The following MYPN variants were observed in gnomAD, a reference collection of about 807,000 sequenced individuals.
MYPN encodes myopalladin.
A neutral mutation model predicts 129.4 loss-of-function variants in MYPN; 63 were observed. The ratio of observed to expected loss-of-function variants is 0.49; its 90% CI spans 0.40 to 0.60. The LOEUF (loss-of-function observed/expected upper bound fraction) is 0.60. Among genes scored for constraint, MYPN ranks in the 20% least tolerant of loss-of-function variants. MYPN has a pLI of 0.00. For missense variants in MYPN, 1,596 were observed against 1,635.4 expected (o/e 0.98, Z 0.42); for synonymous variants, 629 against 600.9 (o/e 1.05, Z -0.68).
At position 68,161,700 on chromosome 10, in the gene MYPN, T is replaced by C. The variant is rs780530882; in HGVS notation, c.1460-29T>C. The C allele has an allele frequency of 8.8e-6, 14 of 1,599,072 alleles. No homozygotes were observed. In the East Asian group the frequency reaches 2.9e-4, roughly 33 times the overall value. ...TGTAGTTTCTCAGTAAAATAAATGC[T>C]CAGAATCTTTTACTTTCTTTTCTTT... On this transcript the variant is annotated intron_variant, in intron 7 of 19. Transcript: ENST00000358913.
At position 68,189,132 on chromosome 10, in the gene MYPN, G is replaced by C; in HGVS notation, c.2925+6G>C. 6.2e-7 allele frequency: 1 copy of C among 1,610,896 alleles called. No individual in the cohort carries two copies. The highest frequency in any genetic ancestry group is 8.5e-7 in the Non-Finnish European group (1 of 1,177,222). Reference sequence around the variant, plus strand: ...TTGGGATACCTGTTCCAAAGGTAGGGAAGATGACAAGCCAGTTGGCCACCT... The same window carrying C: ...TTGGGATACCTGTTCCAAAGGTAGGCAAGATGACAAGCCAGTTGGCCACCT... On this transcript the variant is annotated splice_donor_region_variant and intron_variant, in intron 13 of 19. Coordinates refer to ENST00000358913, the MANE Select transcript of MYPN (RefSeq NM_032578.4).
rs774042213 is a variant in MYPN, at chr10:68,174,381, C to T, written c.2289C>T (p.Leu763=). 6.2e-7 allele frequency: 1 copy of T among 1,614,200 alleles called. No homozygotes were observed. Among genetic ancestry groups the T allele is most frequent in the Admixed American group, 1.7e-5 (1 of 60,022 alleles). The change falls in exon 11 of 20, where the codon CTC becomes CTT. Residue 763 remains leucine, a synonymous_variant. Transcript: ENST00000358913. Reference sequence around the variant, plus strand: ...AGAGGACAGTGAGCAAAGAAAGCCTCTTAGTGTCTCACCCCTCTGTGCAAA... The same window carrying T: ...AGAGGACAGTGAGCAAAGAAAGCCTTTTAGTGTCTCACCCCTCTGTGCAAA... ...TIQRTVSKES[L]LVSHPSVQTK...
At chr10:68,178,177 T>C (rs1209104114) in intron 12 of MYPN, among the ~76,000 whole-genome samples, 1 of 152,264 alleles carries the variant, frequency 6.6e-6, no homozygotes, top group African/African-American at 2.4e-5. Context: ...TTAGAACCTT[T>C]TGAAATGAGA....
intron 4 of MYPN, among the ~76,000 whole-genome samples, chr10:68,146,345 A>T (rs549384128): frequency 6.6e-6 from 1 of 152,272 alleles, no homozygotes. Context: ...TGCAAAACCC[A>T]GTCTAAATGT....
At chr10:68,136,157 C>G in intron 2 of MYPN, 2 of 921,774 alleles carry the variant, frequency 2.2e-6, no homozygotes, top group Non-Finnish European at 2.6e-6. Flanking sequence ...AGCCAAAAGT[C>G]CAGTTACATC....
chr10:68,202,062 T>A (rs2043725394), intron 18 of MYPN, 68 bp downstream of exon 18: 3 of 1,556,812 alleles, frequency 1.9e-6, no homozygotes. Flanking sequence ...CCCAAATAAG[T>A]CTGCTGCTAT....
intron 2 of MYPN, among the ~76,000 whole-genome samples, chr10:68,137,353 G>A (rs1205210218): frequency 6.6e-6 from 1 of 152,132 alleles, no homozygotes; most frequent in Non-Finnish European, 1.5e-5. Flanking sequence ...AGAAACAGGA[G>A]GAGTATTTTA....
chr10:68,115,761 T>A (rs1018542577), intron 1 of MYPN, among the ~76,000 whole-genome samples: 1 of 152,240 alleles, frequency 6.6e-6, no homozygotes, highest in African/African-American at 2.4e-5. Context: ...CCTTAAATGA[T>A]CTGGCCTTGA....
At chr10:68,136,469 CT>C (rs1264393351) in intron 2 of MYPN, 16 of 1,122,390 alleles carry the variant, frequency 1.4e-5, no homozygotes, top group South Asian at 7.1e-5. Flanking sequence ...ATGGTTCCCC[CT>C]GACCCTCAAA....
At chr10:68,171,224 C>T (rs1037780484) in intron 10 of MYPN, among the ~76,000 whole-genome samples, 3 of 151,854 alleles carry the variant, frequency 2.0e-5, no homozygotes, top group Admixed American at 2.0e-4. Flanking sequence ...CTACCACCCA[C>T]CCGCTATACC....
At chr10:68,117,233 A>T (rs934783974) in intron 1 of MYPN, among the ~76,000 whole-genome samples, 14 of 152,236 alleles carry the variant, frequency 9.2e-5, no homozygotes, top group Middle Eastern at 3.4e-3. Context: ...TTAAAAAAAA[A>T]AAAAAAGTGA....
At chr10:68,164,791 G>A (rs970450989) in intron 8 of MYPN, among the ~76,000 whole-genome samples, 2 of 152,148 alleles carry the variant, frequency 1.3e-5, no homozygotes, top group African/African-American at 4.8e-5. Flanking sequence ...GTGTATCAGA[G>A]TAATCCATAA....
chr10:68,140,045 G>C (rs148344531), intron 2 of MYPN, among the ~76,000 whole-genome samples: 140 of 152,316 alleles, frequency 9.2e-4, no homozygotes, highest in African/African-American at 3.2e-3. Context: ...AAGAGGGTCA[G>C]GGAGGGCCTC....
In MYPN at chr10:68,194,498, G is replaced by T. The variant is rs765985278; in HGVS notation, c.3061G>T (p.Ala1021Ser). The T allele has an allele frequency of 1.9e-6, 3 of 1,613,626 alleles. No homozygotes were observed. In the South Asian group the frequency reaches 3.3e-5, roughly 18 times the overall value. Residue 1021 changes from alanine (A) to serine (S), a missense_variant, in exon 14 of 20, where the codon GCA becomes TCA. Ala to Ser is a moderately conservative substitution (Grantham distance 99). Transcript: ENST00000358913. ...SDDDGNYTIM[A>S]ANPQGRISCS... ...TGACGATGGCAACTACACCATCATG[G>T]CAGCCAACCCCCAGGTGGAGACGCA... is the stretch of plus-strand genomic sequence containing the variant.
At position 68,164,774 on chromosome 10, in the gene MYPN, G is replaced by A. The variant is rs138690527; in HGVS notation, c.1484-928G>A. ...CTGTAGTTATTCACAGAGAATCATC[G>A]TTCACAGTGTATCAGAGTAATCCAT... is the stretch of plus-strand genomic sequence containing the variant. On this transcript the variant is annotated intron_variant, in intron 8 of 19. Transcript: ENST00000358913. 5.3e-3 allele frequency among the ~76,000 whole-genome samples: 808 copies of A among 152,228 alleles called. 8 individuals carry two copies. The highest frequency in any genetic ancestry group is 0.018 in the African/African-American group (754 of 41,530).
intron 4 of MYPN, among the ~76,000 whole-genome samples, chr10:68,146,415 T>G (rs1463088515): frequency 6.6e-6 from 1 of 152,232 alleles, no homozygotes; most frequent in Non-Finnish European, 1.5e-5. Flanking sequence ...CACTGCTTCC[T>G]TGTGGCTCCC....
At chr10:68,159,132 T>G (rs1383084032) in intron 7 of MYPN, among the ~76,000 whole-genome samples, 1 of 152,200 alleles carries the variant, frequency 6.6e-6, no homozygotes, top group Non-Finnish European at 1.5e-5. Flanking sequence ...GTTGCCAAAA[T>G]GCCACCCCAA....
At position 68,136,820 on chromosome 10, in the gene MYPN, A is replaced by G. The variant is rs1032949847; in HGVS notation, c.903-6120A>G. 3.7e-6 allele frequency: 5 copies of G among 1,346,018 alleles called. No homozygotes were observed. In the African/African-American group the frequency reaches 7.2e-5, roughly 20 times the overall value. The allele number at this position is 1,346,018 out of a possible 1,614,324, so 83.4% of individuals were successfully genotyped here. On this transcript the variant is annotated intron_variant, in intron 2 of 19. Coordinates refer to ENST00000358913, the MANE Select transcript of MYPN (RefSeq NM_032578.4). ...TATTAGTTTTGAAATAGCTATTGAT[A>G]TTTGTTTTATCAAGTTAATAGAGTT... is the stretch of plus-strand genomic sequence containing the variant.
In MYPN at chr10:68,199,369, T is replaced by C. The variant is rs2043668662; in HGVS notation, c.3287T>C (p.Val1096Ala). 1 of 1,613,738 alleles carries C rather than the reference T, an allele frequency of 6.2e-7. No homozygotes were observed. Among genetic ancestry groups the C allele is most frequent in the Non-Finnish European group, 8.5e-7 (1 of 1,179,870 alleles). The change falls in exon 17 of 20, where the codon GTG becomes GCG. Residue 1096 changes from valine (V) to alanine (A), a missense_variant and splice_region_variant. Transcript: ENST00000358913. ...EGRLCRLDCK[V>A]SGLPPPELTW... ...CTCAGCTGTTCTGTTGTTTATTAGG[T>C]GAGTGGTTTACCGCCCCCGGAGCTG...
Sources: gnomAD v4.1 joint callset for allele counts (sites outside exome capture counted in the v4.1 genomes callset) on GRCh38, gnomAD v4.1.1 for gene constraint, MANE v1.5 for transcripts, NCBI Gene and HGNC (gene_info 2026-07-23, HGNC 2026-07-21) for gene names.